Variants in LMBRD1 observed in about 807,000 individuals in gnomAD.
LMBRD1 encodes lysosomal cobalamin transport escort protein LMBD1.
A neutral mutation model predicts 74.8 loss-of-function variants in LMBRD1; 64 were observed. The ratio of observed to expected loss-of-function variants is 0.86; its 90% CI spans 0.70 to 1.05. The LOEUF (loss-of-function observed/expected upper bound fraction) is 1.05. Ranked by LOEUF, LMBRD1 falls within the 50% of genes least tolerant of loss-of-function variation. The pLI is 0.00. For synonymous variants in LMBRD1, 204 were observed against 216.3 expected (o/e 0.94, Z 0.50); for missense variants, 652 against 645.9 (o/e 1.01, Z -0.10).
intron 8 of LMBRD1, among the ~76,000 whole-genome samples, chr6:69,714,919 C>A (rs1038353693): frequency 1.3e-5 from 2 of 152,004 alleles, no homozygotes; most frequent in African/African-American, 2.4e-5. Flanking sequence ...TAGGCCCTAT[C>A]CCCAGAGGAT....
At chr6:69,699,257 C>G in intron 12 of LMBRD1, 65 bp from the exon 13 acceptor site, 1 of 1,398,438 alleles carries the variant, frequency 7.2e-7, no homozygotes. Context: ...AAATCCTTTT[C>G]TTGTGTTATG....
chr6:69,778,912 G>C (rs1027690284), intron 3 of LMBRD1, among the ~76,000 whole-genome samples: 3 of 152,152 alleles, frequency 2.0e-5, no homozygotes, highest in South Asian at 4.1e-4. Context: ...ATGGGGCAGG[G>C]CACGGTGCCT....
chr6:69,706,103 CA>C, intron 9 of LMBRD1: 2 of 641,116 alleles, frequency 3.1e-6, no homozygotes, highest in South Asian at 2.9e-5. Flanking sequence ...AGTTCACAAC[CA>C]AATAGATAGT....
chr6:69,681,720 CCTAGA>C (rs1765667161), intron 14 of LMBRD1, among the ~76,000 whole-genome samples: 1 of 151,758 alleles, frequency 6.6e-6, no homozygotes, highest in South Asian at 2.1e-4. Context: ...AACTTAGAAG[CCTAGA>C]CTATTTAGAA....
chr6:69,696,659 C>T (rs759070988), intron 14 of LMBRD1, among the ~76,000 whole-genome samples: 21 of 151,962 alleles, frequency 1.4e-4, no homozygotes, highest in Non-Finnish European at 2.5e-4. Context: ...CTATCTCTTT[C>T]CTGAAACGTT....
chr6:69,716,848 G>A (rs1562096897), intron 8 of LMBRD1, among the ~76,000 whole-genome samples: 1 of 147,216 alleles, frequency 6.8e-6, no homozygotes, highest in African/African-American at 2.4e-5. Flanking sequence ...GAGGTAAACT[G>A]TTAGATTAAA....
intron 13 of LMBRD1, among the ~76,000 whole-genome samples, 188 bp downstream of exon 13, chr6:69,698,851 GCTGT>G (rs1399932296): frequency 6.6e-6 from 1 of 151,688 alleles, no homozygotes; most frequent in African/African-American, 2.4e-5. Flanking sequence ...AATTCTGTGT[GCTGT>G]TTCAAAAAAA....
chr6:69,702,525 T>A (rs747640330), intron 9 of LMBRD1, among the ~76,000 whole-genome samples: 7 of 151,982 alleles, frequency 4.6e-5, no homozygotes, highest in Non-Finnish European at 1.0e-4. Context: ...GGAAAAAATG[T>A]CCTAAGCACT....
At chr6:69,709,317 A>C (rs1043127717) in intron 9 of LMBRD1, among the ~76,000 whole-genome samples, 1 of 152,198 alleles carries the variant, frequency 6.6e-6, no homozygotes, top group Non-Finnish European at 1.5e-5. Context: ...AAACACAGAG[A>C]TAAATGAACA....
rs893410534 is a variant in LMBRD1 at position 69,705,574 on chromosome 6, G to C, written c.916-3621C>G. The C allele has an allele frequency of 1.2e-5, 15 of 1,239,870 alleles. No individual in the cohort carries two copies. The African/African-American group carries it at 1.7e-4, about 14-fold the overall frequency. 76.8% of individuals were successfully genotyped at this position (1,239,870 alleles called of 1,614,324 possible). A position where few individuals can be genotyped will look rare whatever the true frequency, so the allele number is the denominator to read the frequency against. On this transcript the variant is annotated intron_variant, in intron 9 of 15. Coordinates refer to ENST00000649934, the MANE Select transcript of LMBRD1 (RefSeq NM_018368.4). Reference sequence around the variant, plus strand: ...TTTGGCTTTTGTGCATTTTTGGCTGGAGTATCTCATATAGATTTCTTCACT... The same window carrying C: ...TTTGGCTTTTGTGCATTTTTGGCTGCAGTATCTCATATAGATTTCTTCACT...
intron 9 of LMBRD1, among the ~76,000 whole-genome samples, chr6:69,710,620 C>T (rs369484050): frequency 3.9e-5 from 6 of 152,018 alleles, no homozygotes; most frequent in Non-Finnish European, 7.4e-5. Context: ...ATATAATGAA[C>T]GCTTGTATCT....
At chr6:69,738,131 T>G in intron 6 of LMBRD1, 116 bp from the exon 7 acceptor site, 1 of 745,334 alleles carries the variant, frequency 1.3e-6, no homozygotes, top group Non-Finnish European at 2.3e-6. Flanking sequence ...TAAAAACCAA[T>G]ATGTATTACC....
intron 7 of LMBRD1, among the ~76,000 whole-genome samples, chr6:69,722,209 A>G (rs1314364682): frequency 6.6e-6 from 1 of 152,200 alleles, no homozygotes; most frequent in Non-Finnish European, 1.5e-5. Context: ...TCCTTCAAGT[A>G]TGAAAGATAA....
chr6:69,727,656 C>T (rs1766764911), intron 7 of LMBRD1, among the ~76,000 whole-genome samples: 2 of 152,130 alleles, frequency 1.3e-5, no homozygotes, highest in African/African-American at 2.4e-5. Context: ...GCAATATATG[C>T]ATGTCAGAAA....
intron 6 of LMBRD1, among the ~76,000 whole-genome samples, chr6:69,740,322 T>C (rs1420797610): frequency 1.3e-5 from 2 of 151,924 alleles, no homozygotes; most frequent in African/African-American, 2.4e-5. Context: ...CTAAAGAGAA[T>C]GGAATTACAA....
intron 14 of LMBRD1, among the ~76,000 whole-genome samples, chr6:69,683,765 A>G (rs1222582280): frequency 6.6e-6 from 1 of 152,102 alleles, no homozygotes; most frequent in Admixed American, 6.6e-5. Context: ...GTATAGGAAT[A>G]AAGCCAGGAG....
At chr6:69,677,667 A>T (rs1340856237) in intron 14 of LMBRD1, among the ~76,000 whole-genome samples, 1 of 152,130 alleles carries the variant, frequency 6.6e-6, no homozygotes, top group Non-Finnish European at 1.5e-5. Flanking sequence ...TTCTCACGGC[A>T]GCTCAAGCTT....
rs563532011 is a variant in LMBRD1 at position 69,790,624 on chromosome 6, C to T, written c.70-152G>A. On this transcript the variant is annotated intron_variant, in intron 1 of 15. Transcript: ENST00000649934. ...GCCCACTATCCCTTAAAAACTTGTC[C>T]AAGATGTATAATTTTCAAAGCCTAC... 2.8e-4 allele frequency: 202 copies of T among 717,448 alleles called. 2 individuals are homozygous for T. The South Asian group carries it at 3.1e-3, about 11-fold the overall frequency. 44.4% of individuals were successfully genotyped at this position (717,448 alleles called of 1,614,324 possible).
At chr6:69,739,951 C>G (rs1767064122) in intron 6 of LMBRD1, among the ~76,000 whole-genome samples, 1 of 152,052 alleles carries the variant, frequency 6.6e-6, no homozygotes, top group African/African-American at 2.4e-5. Flanking sequence ...ACTAAAAATA[C>G]AAAAATTAGC....
Sources: gnomAD v4.1 joint callset for allele counts (sites outside exome capture counted in the v4.1 genomes callset) on GRCh38, gnomAD v4.1.1 for gene constraint, MANE v1.5 for transcripts, NCBI Gene and HGNC (gene_info 2026-07-23, HGNC 2026-07-21) for gene names.